Variants in UGT1A5 observed in about 807,000 individuals in gnomAD.
The protein encoded by UGT1A5 is UDP-glucuronosyltransferase 1A5.
In UGT1A5, 29 loss-of-function variants were observed where a neutral mutation model predicts 40.3. The ratio of observed to expected loss-of-function variants is 0.72; its 90% CI spans 0.54 to 0.98. The LOEUF (loss-of-function observed/expected upper bound fraction) is 0.98, where lower values mean the gene tolerates loss of function less well. Ranked by LOEUF, UGT1A5 falls within the 50% of genes least tolerant of loss-of-function variation. The pLI, the probability that UGT1A5 is intolerant of heterozygous loss-of-function variation, is 0.00. For synonymous variants in UGT1A5, 257 were observed against 262.5 expected (o/e 0.98, Z 0.20); for missense variants, 678 against 677.9 (o/e 1.00, Z 0.00).
intron 1 of UGT1A5, among the ~76,000 whole-genome samples, chr2:233,751,179 A>G (rs1253259700): frequency 9.9e-5 from 15 of 151,976 alleles, no homozygotes; most frequent in African/African-American, 3.6e-4. Flanking sequence ...GATATGAGAC[A>G]TGAAGTTAAA....
intron 1 of UGT1A5, chr2:233,718,950 ATGCGGGAGGCCT>A (rs1337113701): frequency 6.2e-7 from 1 of 1,614,178 alleles, no homozygotes. Flanking sequence ...CTGGCTCAGC[ATGCGGGAGGCCT>A]TGCGGGAGCT....
At chr2:233,747,290 C>A (rs1693611361) in intron 1 of UGT1A5, 1 of 1,601,096 alleles carries the variant, frequency 6.2e-7, no homozygotes, top group Admixed American at 1.7e-5. Context: ...CAGCCCTGGG[C>A]TGAGAGTGGG....
intron 1 of UGT1A5, among the ~76,000 whole-genome samples, chr2:233,715,121 A>G (rs2076433568): frequency 6.6e-6 from 1 of 152,186 alleles, no homozygotes; most frequent in Non-Finnish European, 1.5e-5. Context: ...CCTGATCTCA[A>G]GTGATTCACT....
intron 1 of UGT1A5, among the ~76,000 whole-genome samples, chr2:233,720,449 T>C (rs1240396680): frequency 6.6e-6 from 1 of 152,106 alleles, no homozygotes; most frequent in East Asian, 1.9e-4. Context: ...ATAAGCCCAG[T>C]GAAGCTGGGA....
chr2:233,728,564 A>T (rs2077727018), intron 1 of UGT1A5, among the ~76,000 whole-genome samples: 1 of 152,200 alleles, frequency 6.6e-6, no homozygotes, highest in Non-Finnish European at 1.5e-5. Flanking sequence ...TACAAGAAAT[A>T]TCCTGGTGCG....
chr2:233,733,374 C>T (rs1046101046), intron 1 of UGT1A5, among the ~76,000 whole-genome samples: 17 of 152,240 alleles, frequency 1.1e-4, no homozygotes, highest in Middle Eastern at 3.4e-3. Context: ...AGAGGTCATC[C>T]TTGTTTTGTG....
Position 233,713,781 on chromosome 2 carries a change from G to C in UGT1A5, c.790G>C (p.Asp264His), listed in dbSNP as rs1363495958. The C allele has an allele frequency of 1.2e-6, 2 of 1,613,986 alleles. No individual in the cohort carries two copies. Among genetic ancestry groups the C allele is most frequent in the Non-Finnish European group, 1.7e-6 (2 of 1,179,944 alleles). Residue 264 changes from aspartate (D) to histidine (H), a missense_variant, in exon 1 of 5, where the codon GAT becomes CAT. Coordinates refer to ENST00000373414, the MANE Select transcript of UGT1A5 (RefSeq NM_019078.2). ...GCTGTTCCGAGGGGACTTTGTGATG[G>C]ATTACCCCAGGCCGATCATGCCCAA... is the stretch of plus-strand genomic sequence containing the variant. ...VWLFRGDFVMDYPRPIMPNMV... is the reference protein window; with the variant it reads ...VWLFRGDFVMHYPRPIMPNMV...
chr2:233,725,125 G>A (rs1256400023), intron 1 of UGT1A5, among the ~76,000 whole-genome samples: 1 of 138,156 alleles, frequency 7.2e-6, no homozygotes, highest in Non-Finnish European at 1.5e-5. Context: ...GCAGTGAGCC[G>A]AGATGGCAGC....
chr2:233,756,308 C>T (rs147116295), intron 1 of UGT1A5: 65 of 152,294 alleles, frequency 4.3e-4, no homozygotes, highest in African/African-American at 1.5e-3. Context: ...TATAACCTAC[C>T]CATATCCTCC....
intron 1 of UGT1A5, chr2:233,730,033 A>G (rs1166211754): frequency 6.2e-7 from 1 of 1,613,140 alleles, no homozygotes; most frequent in African/African-American, 1.3e-5. Flanking sequence ...GTTCCAGGCA[A>G]AACACTTTTT....
At chr2:233,754,678 C>A (rs1419838969) in intron 1 of UGT1A5, 1 of 475,568 alleles carries the variant, frequency 2.1e-6, no homozygotes, top group Non-Finnish European at 4.1e-6. Context: ...TTTTTACCAT[C>A]AACTATTTCA....
rs773213473 is a variant in UGT1A5 at position 233,743,806 on chromosome 2, C to T, written c.868-23228C>T. 2.9e-6 allele frequency: 4 copies of T among 1,367,218 alleles called. No individual in the cohort carries two copies. The South Asian group carries it at 4.5e-5, about 16-fold the overall frequency. The allele number at this position is 1,367,218 out of a possible 1,614,324, so 84.7% of individuals were successfully genotyped here. On this transcript the variant is annotated intron_variant, in intron 1 of 4. Coordinates refer to ENST00000373414, the MANE Select transcript of UGT1A5 (RefSeq NM_019078.2). ...ATCTCCTCTCCGCTTCCTCCTTGTT[C>T]TCAGGGTTTTTGTCGGGGTGCCACT...
At chr2:233,743,741 G>T (rs374389189) in intron 1 of UGT1A5, 6 of 1,367,230 alleles carry the variant, frequency 4.4e-6, no homozygotes, top group Non-Finnish European at 4.9e-6. Flanking sequence ...GCGTTTCTTG[G>T]CGTCCGACAA....
chr2:233,743,692 G>C, intron 1 of UGT1A5: 2 of 1,367,218 alleles, frequency 1.5e-6, no homozygotes, highest in Non-Finnish European at 2.0e-6. Context: ...CTGTGCAGCC[G>C]CCCTCCGCCC....
Position 233,713,838 on chromosome 2 carries a change from A to G in UGT1A5, c.847A>G (p.Asn283Asp), listed in dbSNP as rs919092029. The G allele has an allele frequency of 6.2e-7, 1 of 1,613,974 alleles. No individual in the cohort carries two copies. ...CTTCATTGGGGGCATCAACTGTGCCAACGGGAAGCCACTATCTCAGGTCTG... is the reference window on the plus strand; with the variant it reads ...CTTCATTGGGGGCATCAACTGTGCCGACGGGAAGCCACTATCTCAGGTCTG... Reference protein sequence around the residue: ...MVFIGGINCANGKPLSQEFEA... With the variant: ...MVFIGGINCADGKPLSQEFEA... Residue 283 changes from asparagine (N) to aspartate (D), a missense_variant, in exon 1 of 5, where the codon AAC becomes GAC. Coordinates refer to ENST00000373414, the MANE Select transcript of UGT1A5 (RefSeq NM_019078.2).
Position 233,754,476 on chromosome 2 carries a change from C to A in UGT1A5, c.868-12558C>A, listed in dbSNP as rs561719885. 3.5e-4 allele frequency: 124 copies of A among 357,228 alleles called. 1 individual carries two copies. Among genetic ancestry groups the A allele is most frequent in the Admixed American group, 6.4e-4 (17 of 26,454 alleles). The allele number at this position is 357,228 out of a possible 1,614,324, so 22.1% of individuals were successfully genotyped here. A position where few individuals can be genotyped will look rare whatever the true frequency, so the allele number is the denominator to read the frequency against. ...GTACAGCTGTTCTGAAAGTAAAGTT[C>A]ACTTTCAATCCTAAAAAAAGTCCGC... On this transcript the variant is annotated intron_variant, in intron 1 of 4. Coordinates refer to ENST00000373414, the MANE Select transcript of UGT1A5 (RefSeq NM_019078.2).
chr2:233,724,281 C>T (rs1325936815), intron 1 of UGT1A5, among the ~76,000 whole-genome samples: 26 of 111,902 alleles, frequency 2.3e-4, no homozygotes, highest in Non-Finnish European at 2.0e-4. Flanking sequence ...GCTGGCCGGG[C>T]GGGGGGCTGA....
chr2:233,761,191 T>G, intron 1 of UGT1A5: 1 of 1,614,162 alleles, frequency 6.2e-7, no homozygotes, highest in Non-Finnish European at 8.5e-7. Context: ...GTATATTCTT[T>G]CAGATGTATT....
chr2:233,762,345 C>A (rs964115716), intron 1 of UGT1A5, among the ~76,000 whole-genome samples: 1 of 152,164 alleles, frequency 6.6e-6, no homozygotes, highest in Non-Finnish European at 1.5e-5. Flanking sequence ...CTTTTTAGTT[C>A]TTTGTACTCC....
Sources: gnomAD v4.1 joint callset for allele counts (sites outside exome capture counted in the v4.1 genomes callset) on GRCh38, gnomAD v4.1.1 for gene constraint, MANE v1.5 for transcripts, NCBI Gene and HGNC (gene_info 2026-07-23, HGNC 2026-07-21) for gene names.